Variants in FGF2 observed in about 807,000 individuals in gnomAD.
FGF2 encodes basic fibroblast growth factor bFGF.
Under a neutral mutation model 15.9 loss-of-function variants are expected in FGF2, and 13 were observed. The ratio of observed to expected loss-of-function variants is 0.82; its 90% CI spans 0.53 to 1.30. FGF2 has a LOEUF of 1.30. Ranked by LOEUF, FGF2 falls within the 50% of genes most tolerant of loss-of-function variation. The probability of loss-of-function intolerance (pLI) is 0.00; values close to 1 mark genes in which losing one functional copy is unlikely to be tolerated. For missense variants in FGF2, 163 were observed against 196.9 expected, an observed-to-expected ratio of 0.83 and a Z score of 1.03; for synonymous variants, 90 against 78.4, an observed-to-expected ratio of 1.15 and a Z score of -0.78.
intron 1 of FGF2, among the ~76,000 whole-genome samples, chr4:122,865,359 C>T (rs1456773657): frequency 2.0e-5 from 3 of 152,076 alleles, no homozygotes; most frequent in Admixed American, 6.6e-5. Flanking sequence ...CGTGCTATCT[C>T]GGCTGACTGC....
intron 1 of FGF2, among the ~76,000 whole-genome samples, chr4:122,838,816 A>C (rs1018624468): frequency 3.3e-5 from 5 of 152,174 alleles, no homozygotes; most frequent in African/African-American, 1.2e-4. Context: ...AAGATTTTTG[A>C]GTGGCATATA....
intron 1 of FGF2, among the ~76,000 whole-genome samples, chr4:122,869,913 C>T (rs1327547341): frequency 2.6e-5 from 4 of 152,110 alleles, no homozygotes; most frequent in African/African-American, 4.8e-5. Flanking sequence ...TGCCTTGTGC[C>T]AGTTTTCAAA....
Position 122,830,683 on chromosome 4 carries a change from C to CTTTAGAA in FGF2, c.178+3332_178+3333insTTAGAAT, listed in dbSNP as rs1390053864. ...TAAGTATGTACTCTAAAGTAGCAAGCTGTGTAAAAACATTCAGAAGAGAGA... is the reference window on the plus strand; with the variant it reads ...TAAGTATGTACTCTAAAGTAGCAAGCTTTAGAATGTGTAAAAACATTCAGAAGAGAGA... On this transcript the variant is annotated intron_variant, in intron 1 of 2. Transcript: ENST00000644866. Among the ~76,000 whole-genome samples, 4 of 152,126 alleles carry CTTTAGAA rather than the reference C, an allele frequency of 2.6e-5. No individual in the cohort carries two copies. In the South Asian group the frequency reaches 6.2e-4, roughly 24 times the overall value.
chr4:122,836,172 G>A (rs537488549), intron 1 of FGF2, among the ~76,000 whole-genome samples: 3 of 152,274 alleles, frequency 2.0e-5, no homozygotes, highest in Non-Finnish European at 4.4e-5. Flanking sequence ...ACTCTTTGTA[G>A]GCAAGCACTG....
chr4:122,834,171 AC>A (rs1253395909), intron 1 of FGF2, among the ~76,000 whole-genome samples: 1 of 152,150 alleles, frequency 6.6e-6, no homozygotes, highest in African/African-American at 2.4e-5. Flanking sequence ...CCAAGTTACC[AC>A]CCCGAACAGG....
At chr4:122,840,348 A>G (rs1463337090) in intron 1 of FGF2, 2 of 152,300 alleles carry the variant, frequency 1.3e-5, no homozygotes, top group Admixed American at 1.3e-4. Flanking sequence ...CCAAAACGCA[A>G]AAGAAAAGAA....
rs200217420 is a variant in FGF2, at chr4:122,875,633, G to A, written c.179-688G>A. ...ACCATCTGGCTAACATGGTGAAACC[G>A]CGTCTCTACTAAAAATACAAAAAAT... On this transcript the variant is annotated intron_variant, in intron 1 of 2. Transcript: ENST00000644866. 6.6e-5 allele frequency among the ~76,000 whole-genome samples: 10 copies of A among 152,068 alleles called. No homozygotes were observed. The East Asian group carries it at 2.0e-3, about 30-fold the overall frequency.
Position 122,892,590 on chromosome 4 carries a change from C to T in FGF2, c.*194C>T. On this transcript the variant is annotated 3_prime_UTR_variant, in exon 3 of 3. Transcript: ENST00000644866. Reference sequence around the variant, plus strand: ...TAACAAAAGTTGTAAAATGTATATTCTCCCTTTTATATTGCATCTGCTGTT... The same window carrying T: ...TAACAAAAGTTGTAAAATGTATATTTTCCCTTTTATATTGCATCTGCTGTT... The T allele has an allele frequency of 6.9e-7, 1 of 1,441,094 alleles. No individual in the cohort carries two copies. Among genetic ancestry groups the T allele is most frequent in the South Asian group, 1.5e-5 (1 of 65,396 alleles). 89.3% of individuals were successfully genotyped at this position (1,441,094 alleles called of 1,614,324 possible).
At chr4:122,840,638 C>T (rs149610411) in intron 1 of FGF2, 63 of 190,880 alleles carry the variant, frequency 3.3e-4, no homozygotes, top group African/African-American at 1.2e-3. Context: ...ATACCCCGAT[C>T]CCGATTTAGA....
intron 1 of FGF2, among the ~76,000 whole-genome samples, chr4:122,851,078 T>A (rs1726222080): frequency 6.6e-6 from 1 of 152,200 alleles, no homozygotes; most frequent in Non-Finnish European, 1.5e-5. Context: ...TCCAACCAAT[T>A]GCTTGGATCA....
intron 1 of FGF2, among the ~76,000 whole-genome samples, chr4:122,857,064 G>A (rs1726357029): frequency 6.6e-6 from 1 of 152,188 alleles, no homozygotes; most frequent in Admixed American, 6.5e-5. Flanking sequence ...AGGAGTCAGT[G>A]TGGGGTCCTG....
intron 1 of FGF2, among the ~76,000 whole-genome samples, chr4:122,843,947 G>T (rs1164763622): frequency 6.6e-6 from 1 of 152,212 alleles, no homozygotes; most frequent in Non-Finnish European, 1.5e-5. Context: ...AGTGGTGGTT[G>T]TTGAAGGTTA....
chr4:122,897,541 T>C lies in FGF2; in HGVS notation c.*5145T>C, dbSNP rs112096878. The C allele has an allele frequency of 3.1e-5, 31 of 1,012,206 alleles. No individual in the cohort carries two copies. Among genetic ancestry groups the C allele is most frequent in the African/African-American group, 2.3e-4 (14 of 62,172 alleles). The allele number at this position is 1,012,206 out of a possible 1,614,324, so 62.7% of individuals were successfully genotyped here. On this transcript the variant is annotated 3_prime_UTR_variant, in exon 3 of 3. Transcript: ENST00000644866. ...GAACAAATTGGAAAATTTAAATTTTTATTCTTAGCTATAAAGCAAGAAAGT... is the reference window on the plus strand; with the variant it reads ...GAACAAATTGGAAAATTTAAATTTTCATTCTTAGCTATAAAGCAAGAAAGT...
At chr4:122,863,766 T>C (rs79182063) in intron 1 of FGF2, among the ~76,000 whole-genome samples, 2,168 of 152,264 alleles carry the variant, frequency 0.014, 54 homozygotes, top group African/African-American at 0.049. Flanking sequence ...GCTTACACCA[T>C]AGTGGGGGCT....
chr4:122,831,233 C>T (rs1219792454), intron 1 of FGF2, among the ~76,000 whole-genome samples: 3 of 152,156 alleles, frequency 2.0e-5, no homozygotes, highest in Non-Finnish European at 4.4e-5. Context: ...CTCTTCCTGC[C>T]ATCCCTCAGC....
intron 2 of FGF2, among the ~76,000 whole-genome samples, chr4:122,880,348 G>A (rs1050181615): frequency 4.7e-5 from 7 of 150,158 alleles, no homozygotes; most frequent in South Asian, 4.2e-4. Context: ...CCGGGTTCAC[G>A]CCATTCTCCT....
intron 1 of FGF2, among the ~76,000 whole-genome samples, chr4:122,843,690 A>G (rs308426): frequency 0.27 from 40,533 of 152,114 alleles, 7,741 homozygotes; most frequent in African/African-American, 0.54. Flanking sequence ...GCAATAAAGT[A>G]AATATCACAA....
At position 122,876,341 on chromosome 4, in the gene FGF2, GAA is replaced by G; in HGVS notation, c.200_201del (p.Glu67GlyfsTer13). ...DPHIKLQLQA[E>X]ERGVVSIKGV... is the part of the protein sequence containing the mutation. The stretch of plus-strand genomic sequence containing the variant: ...TACAGTCAAGCTACAACTTCAAGCA[GAA>G]GAGAGAGGAGTTGTGTCTATCAAAG... On this transcript the variant is annotated frameshift_variant, in exon 2 of 3. Transcript: ENST00000644866. LOFTEE classifies it high-confidence loss of function. 6.2e-7 allele frequency: 1 copy of G among 1,612,240 alleles called. No individual in the cohort carries two copies. Among genetic ancestry groups the G allele is most frequent in the Non-Finnish European group, 8.5e-7 (1 of 1,178,466 alleles).
At chr4:122,849,756 A>C (rs946072679) in intron 1 of FGF2, among the ~76,000 whole-genome samples, 3 of 152,116 alleles carry the variant, frequency 2.0e-5, no homozygotes, top group African/African-American at 7.2e-5. Flanking sequence ...TCTCTGAGAG[A>C]GTTGTGACTG....
Sources: gnomAD v4.1 joint callset for allele counts (sites outside exome capture counted in the v4.1 genomes callset) on GRCh38, gnomAD v4.1.1 for gene constraint, MANE v1.5 for transcripts, NCBI Gene and HGNC (gene_info 2026-07-23, HGNC 2026-07-21) for gene names.